ARMH3: variants seen among roughly 807,000 people sequenced by gnomAD.
The protein encoded by ARMH3 is armadillo-like helical domain-containing protein 3.
Under a neutral mutation model 99.1 loss-of-function variants are expected in ARMH3, and 60 were observed. The ratio of observed to expected loss-of-function variants is 0.61; its 90% CI spans 0.49 to 0.75. ARMH3 has a LOEUF of 0.75. ARMH3 is among the 30% of genes least tolerant of loss of function. The pLI is 0.00. For missense variants in ARMH3, 679 were observed against 843.1 expected, an observed-to-expected ratio of 0.81 and a Z score of 2.41; for synonymous variants, 285 against 292.8, an observed-to-expected ratio of 0.97 and a Z score of 0.27.
intron 1 of ARMH3, among the ~76,000 whole-genome samples, chr10:102,055,758 C>G (rs2067832218): frequency 6.6e-6 from 1 of 152,186 alleles, no homozygotes; most frequent in Non-Finnish European, 1.5e-5. Flanking sequence ...GGGCAGCTGG[C>G]GGGGTCAAAG....
chr10:101,963,269 A>C (rs1473237279), intron 20 of ARMH3, among the ~76,000 whole-genome samples: 3 of 151,686 alleles, frequency 2.0e-5, no homozygotes, highest in East Asian at 3.9e-4. Flanking sequence ...CAGCCTCCTG[A>C]GTAGCTGGGA....
chr10:101,968,358 C>A (rs1845626717), intron 20 of ARMH3, among the ~76,000 whole-genome samples: 1 of 152,140 alleles, frequency 6.6e-6, no homozygotes, highest in South Asian at 2.1e-4. Flanking sequence ...CTCAGTGGAG[C>A]CATCTGACAC....
At chr10:102,045,883 T>G (rs1374312847) in intron 1 of ARMH3, among the ~76,000 whole-genome samples, 1 of 151,996 alleles carries the variant, frequency 6.6e-6, no homozygotes, top group Non-Finnish European at 1.5e-5. Context: ...TCACTTGAGG[T>G]TGGGAGTTCG....
chr10:102,045,021 A>G (rs1412624058), intron 1 of ARMH3, among the ~76,000 whole-genome samples: 1 of 151,594 alleles, frequency 6.6e-6, no homozygotes, highest in Non-Finnish European at 1.5e-5. Context: ...CTGTAATCCC[A>G]GATACTCGGG....
intron 19 of ARMH3, among the ~76,000 whole-genome samples, chr10:101,976,378 A>G (rs947689171): frequency 7.7e-6 from 1 of 130,302 alleles, no homozygotes; most frequent in African/African-American, 2.8e-5. Flanking sequence ...CTAGTAGATT[A>G]ATCAATCTCT....
At chr10:101,985,333 G>A (rs928062308) in intron 19 of ARMH3, among the ~76,000 whole-genome samples, 12 of 146,564 alleles carry the variant, frequency 8.2e-5, no homozygotes, top group African/African-American at 1.3e-4. Context: ...TATACAGATC[G>A]CATGGGTTTA....
chr10:102,015,122 G>C (rs2066717930), intron 8 of ARMH3, among the ~76,000 whole-genome samples: 1 of 152,108 alleles, frequency 6.6e-6, no homozygotes, highest in African/African-American at 2.4e-5. Context: ...ACAACTTAAG[G>C]GGTAAAACCC....
At chr10:101,911,353 T>G (rs1326973332) in intron 23 of ARMH3, among the ~76,000 whole-genome samples, 1 of 152,176 alleles carries the variant, frequency 6.6e-6, no homozygotes, top group African/African-American at 2.4e-5. Flanking sequence ...AATGGTTGAT[T>G]CCAGGTCTGG....
At chr10:101,868,363 T>C (rs756289213) in intron 24 of ARMH3, among the ~76,000 whole-genome samples, 2 of 152,198 alleles carry the variant, frequency 1.3e-5, no homozygotes, top group Non-Finnish European at 2.9e-5. Flanking sequence ...ATACAGGCAA[T>C]AGAACTAAAG....
At chr10:101,896,559 T>G (rs188141421) in intron 23 of ARMH3, among the ~76,000 whole-genome samples, 4 of 152,330 alleles carry the variant, frequency 2.6e-5, no homozygotes, top group Admixed American at 2.6e-4. Flanking sequence ...ACACTTTAAG[T>G]GGATGAACTG....
At chr10:101,967,563 C>T (rs1845591102) in intron 20 of ARMH3, among the ~76,000 whole-genome samples, 1 of 152,160 alleles carries the variant, frequency 6.6e-6, no homozygotes, top group Non-Finnish European at 1.5e-5. Flanking sequence ...ATGGTAAAAG[C>T]CCGTCTCTAC....
chr10:102,037,532 C>A (rs1347829853), intron 2 of ARMH3, among the ~76,000 whole-genome samples: 2 of 151,762 alleles, frequency 1.3e-5, no homozygotes, highest in African/African-American at 4.8e-5. Context: ...ACATCTCTGG[C>A]CTTCTCACAA....
intron 1 of ARMH3, among the ~76,000 whole-genome samples, chr10:102,047,907 G>C (rs1057416284): frequency 6.6e-6 from 1 of 152,084 alleles, no homozygotes; most frequent in Admixed American, 6.6e-5. Context: ...TGGGAGAGGA[G>C]GTACTACTGG....
intron 5 of ARMH3, chr10:102,029,299 C>A: frequency 1.2e-6 from 1 of 803,122 alleles, no homozygotes; most frequent in Non-Finnish European, 1.9e-6. Flanking sequence ...GTTAAATAAG[C>A]TTAAAGTTTA....
At chr10:102,016,141 T>C (rs2066746303) in intron 8 of ARMH3, among the ~76,000 whole-genome samples, 1 of 152,170 alleles carries the variant, frequency 6.6e-6, no homozygotes, top group South Asian at 2.1e-4. Context: ...TCTCGATCAA[T>C]CAATCAAACA....
At chr10:102,049,762 G>T (rs2067650423) in intron 1 of ARMH3, among the ~76,000 whole-genome samples, 1 of 151,592 alleles carries the variant, frequency 6.6e-6, no homozygotes, top group Non-Finnish European at 1.5e-5. Context: ...TCACCATGTT[G>T]CCCAGGTTGG....
chr10:102,046,440 G>A lies in ARMH3; in HGVS notation c.-11-6315C>T, dbSNP rs555614898. Among the ~76,000 whole-genome samples, 94 of 152,108 alleles carry A rather than the reference G, an allele frequency of 6.2e-4. 1 individual carries two copies. Among genetic ancestry groups the A allele is most frequent in the Admixed American group, 3.7e-3 (56 of 15,280 alleles). On this transcript the variant is annotated intron_variant, in intron 1 of 25. Transcript: ENST00000370033. ...GGCCGAGGCGGGCAGATCACCTGAG[G>A]TCAGGAGTTTGAGACCAGCCTGACC...
Position 101,993,272 on chromosome 10 carries a change from C to G in ARMH3, c.1275+266G>C, listed in dbSNP as rs998612623. 1.0e-4 allele frequency among the ~76,000 whole-genome samples: 14 copies of G among 137,412 alleles called. 1 individual carries two copies. Among genetic ancestry groups the G allele is most frequent in the East Asian group, 9.2e-4 (4 of 4,360 alleles). The allele number at this position is 137,412 out of a possible 152,430, so 90.1% of individuals were successfully genotyped here. ...GGGGGGAGAGAGAGAGAGAGAGACT[C>G]TCCCTCAAAAAAAGAAAAAAAAAAA... On this transcript the variant is annotated intron_variant, in intron 17 of 25. Transcript: ENST00000370033.
chr10:101,940,033 T>C lies in ARMH3; in HGVS notation c.1706-95A>G, dbSNP rs1844168280. 5 of 936,120 alleles carry C rather than the reference T, an allele frequency of 5.3e-6. No individual in the cohort carries two copies. The South Asian group carries it at 6.3e-5, about 12-fold the overall frequency. The allele number at this position is 936,120 out of a possible 1,614,324, so 58.0% of individuals were successfully genotyped here. A position where few individuals can be genotyped will look rare whatever the true frequency, so the allele number is the denominator to read the frequency against. ...ACATCTCAGAATAGCACTCTCAGAA[T>C]AACCAAACAAAGCCTGCGCCAATCT... On this transcript the variant is annotated intron_variant, in intron 22 of 25. Transcript: ENST00000370033.
Sources: allele counts gnomAD v4.1 joint callset (sites outside exome capture counted in the v4.1 genomes callset), GRCh38; gene constraint gnomAD v4.1.1; transcripts MANE v1.5; gene names NCBI Gene and HGNC (gene_info 2026-07-23, HGNC 2026-07-21).